Variants in VWF observed in about 807,000 individuals in gnomAD.
VWF encodes the protein von Willebrand factor.
Under a neutral mutation model 308.6 loss-of-function variants are expected in VWF, and 176 were observed. The ratio of observed to expected loss-of-function variants is 0.57; its 90% CI spans 0.50 to 0.65. The LOEUF (loss-of-function observed/expected upper bound fraction) is 0.65, where lower values mean the gene tolerates loss of function less well. Ranked by LOEUF, VWF falls within the 30% of genes least tolerant of loss-of-function variation. VWF has a pLI of 0.00. For missense variants in VWF, 3,146 were observed against 3,648.2 expected (o/e 0.86, Z 3.55); for synonymous variants, 1,385 against 1,443.4 (o/e 0.96, Z 0.92).
chr12:6,037,576 C>T (rs1410300878), intron 18 of VWF, among the ~76,000 whole-genome samples: 2 of 152,232 alleles, frequency 1.3e-5, no homozygotes, highest in African/African-American at 4.8e-5. Flanking sequence ...GCCAAACCCA[C>T]TCTGAGCTCA....
intron 10 of VWF, among the ~76,000 whole-genome samples, chr12:6,066,331 G>A (rs1384686561): frequency 6.6e-6 from 1 of 152,182 alleles, no homozygotes; most frequent in Admixed American, 6.5e-5. Flanking sequence ...AAGGGCATCT[G>A]GATCCCTTCC....
chr12:5,958,438 A>G (rs978648666), intron 47 of VWF, among the ~76,000 whole-genome samples: 2 of 152,242 alleles, frequency 1.3e-5, no homozygotes, highest in African/African-American at 2.4e-5. Context: ...CCGTAATATC[A>G]GCACTTTGGG....
rs200087139 is a variant in VWF, at chr12:6,052,705, G to A, written c.2024C>T (p.Pro675Leu). 4.0e-5 allele frequency: 64 copies of A among 1,614,194 alleles called. No homozygotes were observed. In the East Asian group the frequency reaches 5.6e-4, roughly 14 times the overall value. Residue 675 changes from proline to leucine, a missense_variant, in exon 16 of 52, where the codon CCG (proline) becomes CTG (leucine). Coordinates refer to ENST00000261405, the MANE Select transcript of VWF (RefSeq NM_000552.5). The stretch of plus-strand genomic sequence containing the variant: ...GCAGGCCTCATTGCATTCCTCATCC[G>A]GGTAAGAGAGAGAGCGGCAGGTCAG... ...CNLTCRSLSY[P>L]DEECNEACLE...
chr12:5,974,583 G>A (rs1943512138), intron 43 of VWF, among the ~76,000 whole-genome samples: 1 of 152,214 alleles, frequency 6.6e-6, no homozygotes, highest in African/African-American at 2.4e-5. Flanking sequence ...TTGAGAAGTT[G>A]ATCCATGAAA....
Position 6,075,447 on chromosome 12 carries a change from CAA to C in VWF, c.760_761del (p.Leu254ValfsTer2), listed in dbSNP as rs1435596998. The C allele has an allele frequency of 2.5e-6, 4 of 1,614,212 alleles. No individual in the cohort carries two copies. Among genetic ancestry groups the C allele is most frequent in the Middle Eastern group, 1.6e-4 (1 of 6,062 alleles). ...EPFVALCEKT[L>X]CECAGGLECA... ...ACTCCAGCCCCCCAGCACACTCACA[CAA>C]AGTCTTCTCACACAGGGCCACAAAA... is the stretch of plus-strand genomic sequence containing the variant. On this transcript the variant is annotated frameshift_variant, in exon 7 of 52. Coordinates refer to ENST00000261405, the MANE Select transcript of VWF (RefSeq NM_000552.5). LOFTEE classifies it high-confidence loss of function. This position sits in a 1 kb window ranked among gnomAD's most constrained non-coding sequence, Gnocchi z 4.7.
rs764251476 is a variant in VWF at position 6,029,383 on chromosome 12, G to A, written c.2926C>T (p.Arg976Cys). ...AGGACCACGGAGATGCTCAGGTGGC[G>A]GTCCCAGACCACGGAGAGGGCTTTG... ...LGKALSVVWD[R>C]HLSISVVLKQ... Residue 976 changes from arginine (R) to cysteine (C), a missense_variant, in exon 22 of 52, where the codon CGC (arginine) becomes TGC (cysteine). By Grantham distance (180) the Arg-to-Cys change is radical (BLOSUM62 -3). Transcript: ENST00000261405. 88 of 1,613,894 alleles carry A rather than the reference G, an allele frequency of 5.5e-5. No individual in the cohort carries two copies. Among genetic ancestry groups the A allele is most frequent in the Admixed American group, 6.7e-5 (4 of 59,986 alleles).
intron 15 of VWF, among the ~76,000 whole-genome samples, chr12:6,055,337 C>T (rs903778945): frequency 6.6e-6 from 1 of 152,206 alleles, no homozygotes; most frequent in African/African-American, 2.4e-5. Context: ...ATTCACTCCT[C>T]ATTACTTTCC....
At chr12:6,122,098 G>A (rs1945438786) in intron 2 of VWF, among the ~76,000 whole-genome samples, 1 of 152,080 alleles carries the variant, frequency 6.6e-6, no homozygotes, top group Admixed American at 6.5e-5. Flanking sequence ...ACCAACTTGT[G>A]CAAACTACCT....
chr12:6,023,710 G>A lies in VWF; in HGVS notation c.3300C>T (p.Phe1100=). 1 of 1,613,992 alleles carries A rather than the reference G, an allele frequency of 6.2e-7. No individual in the cohort carries two copies. The highest frequency in any genetic ancestry group is 1.1e-5 in the South Asian group (1 of 90,976). The change falls in exon 25 of 52, where the codon TTC becomes TTT. Residue 1100 remains phenylalanine (F), a synonymous_variant. Transcript: ENST00000261405. ...GGGCATAGGCAGCAATGGTGTCGCAGAAGCAGGCGCAGTCCCCAATGGACT... is the reference window on the plus strand; with the variant it reads ...GGGCATAGGCAGCAATGGTGTCGCAAAAGCAGGCGCAGTCCCCAATGGACT... ...SCESIGDCAC[F]CDTIAAYAHV...
At chr12:6,013,074 T>C (rs1280664001) in intron 32 of VWF, among the ~76,000 whole-genome samples, 2 of 152,208 alleles carry the variant, frequency 1.3e-5, no homozygotes, top group Non-Finnish European at 2.9e-5. Flanking sequence ...CTCCGTGTTA[T>C]CGTATTTCTA....
chr12:6,079,765 T>C (rs1204060980), intron 6 of VWF, among the ~76,000 whole-genome samples: 2 of 151,988 alleles, frequency 1.3e-5, no homozygotes, highest in Admixed American at 6.6e-5. Context: ...CAAGCCCATA[T>C]AAAATGCAAG....
chr12:6,116,548 C>T (rs1282348759), intron 3 of VWF, among the ~76,000 whole-genome samples: 1 of 152,234 alleles, frequency 6.6e-6, no homozygotes, highest in African/African-American at 2.4e-5. Flanking sequence ...GGAAGTGACT[C>T]AGCAGGCTGT....
chr12:5,984,962 G>T, intron 40 of VWF, 83 bp downstream of exon 40: 1 of 1,453,136 alleles, frequency 6.9e-7, no homozygotes, highest in South Asian at 1.1e-5. Flanking sequence ...CCTGAGAACA[G>T]AGACACCTTT....
intron 47 of VWF, among the ~76,000 whole-genome samples, chr12:5,959,440 G>A (rs1943286703): frequency 6.6e-6 from 1 of 152,110 alleles, no homozygotes; most frequent in East Asian, 1.9e-4. Flanking sequence ...TGAAGATATA[G>A]AGGATTTGGA....
intron 10 of VWF, among the ~76,000 whole-genome samples, chr12:6,067,449 T>C (rs1264036678): frequency 2.6e-5 from 4 of 152,310 alleles, no homozygotes; most frequent in Non-Finnish European, 5.9e-5. Context: ...AAGGAAAACT[T>C]TCAGGGCCAG....
chr12:6,026,969 G>A (rs1041298947), intron 22 of VWF, among the ~76,000 whole-genome samples: 1 of 152,068 alleles, frequency 6.6e-6, no homozygotes, highest in African/African-American at 2.4e-5. Flanking sequence ...GAGAAGAAAA[G>A]GTGCTATACT....
In VWF at chr12:5,960,791, T is replaced by G. The variant is rs536436839; in HGVS notation, c.7887+6695A>C. Among the ~76,000 whole-genome samples, 16 of 152,328 alleles carry G rather than the reference T, an allele frequency of 1.1e-4. No individual in the cohort carries two copies. In the East Asian group the frequency reaches 3.1e-3, roughly 29 times the overall value. Reference sequence around the variant, plus strand: ...TCTGACAAAATTTAAACCAATTCATTGTAGAAACTCTCAGCACTAAAAAAA... The same window carrying G: ...TCTGACAAAATTTAAACCAATTCATGGTAGAAACTCTCAGCACTAAAAAAA... On this transcript the variant is annotated intron_variant, in intron 47 of 51. Transcript: ENST00000261405.
chr12:6,026,881 AATAC>A (rs1944199112), intron 22 of VWF, among the ~76,000 whole-genome samples: 1 of 152,226 alleles, frequency 6.6e-6, no homozygotes. Context: ...GTCACCAGTA[AATAC>A]ATACAGTTAA....
At position 6,046,737 on chromosome 12, in the gene VWF, G is replaced by A. The variant is rs752465256; in HGVS notation, c.2267C>T (p.Pro756Leu). The change falls in exon 17 of 52, where the codon CCC (proline) becomes CTC (leucine). Residue 756 changes from proline to leucine, a missense_variant. Physicochemically the swap from Pro to Leu is moderately conservative, Grantham distance 98. Coordinates refer to ENST00000261405, the MANE Select transcript of VWF (RefSeq NM_000552.5). The surrounding 1 kb of genome is among the most constrained non-coding windows in gnomAD (Gnocchi z 5.0). Reference sequence around the variant, plus strand: ...ACAGTACTCACTGCGATGAGACAGGGGACTGCTGAGGACAGCGTCAGGCAG... The same window carrying A: ...ACAGTACTCACTGCGATGAGACAGGAGACTGCTGAGGACAGCGTCAGGCAG... Reference protein sequence around the residue: ...SLLPDAVLSSPLSHRSKRSLS... With the variant: ...SLLPDAVLSSLLSHRSKRSLS... 6.2e-7 allele frequency: 1 copy of A among 1,614,112 alleles called. No individual in the cohort carries two copies. Among genetic ancestry groups the A allele is most frequent in the Admixed American group, 1.7e-5 (1 of 60,038 alleles).
Sources: gnomAD v4.1 joint callset for allele counts (sites outside exome capture counted in the v4.1 genomes callset) on GRCh38, gnomAD v4.1.1 for gene constraint, Gnocchi (gnomAD v3.1) non-coding constraint, MANE v1.5 for transcripts, NCBI Gene and HGNC (gene_info 2026-07-23, HGNC 2026-07-21) for gene names.